RBFOX1: variants seen among roughly 807,000 people sequenced by gnomAD.
The protein encoded by RBFOX1 is RNA binding fox-1 homolog 1, also known as RNA binding protein fox-1 homolog 1.
A neutral mutation model predicts 57.7 loss-of-function variants in RBFOX1; 8 were observed. The observed-to-expected ratio is 0.14, with a 90% CI of 0.08 to 0.25. RBFOX1 has a LOEUF of 0.25. Ranked by LOEUF, RBFOX1 falls within the 10% of genes least tolerant of loss-of-function variation. RBFOX1 has a pLI of 1.00. For missense variants in RBFOX1, 611 were observed against 548.5 expected, an observed-to-expected ratio of 1.11 and a Z score of -1.14; for synonymous variants, 326 against 222.4, an observed-to-expected ratio of 1.47 and a Z score of -4.15.
chr16:7,145,499 A>G (rs2074776139), intron 4 of RBFOX1, among the ~76,000 whole-genome samples: 2 of 152,022 alleles, frequency 1.3e-5, no homozygotes, highest in South Asian at 2.1e-4. Context: ...GAGCCATCAC[A>G]CCTGGGCTTC....
At chr16:7,050,703 A>T (rs146167879) in intron 3 of RBFOX1, among the ~76,000 whole-genome samples, 50 of 152,320 alleles carry the variant, frequency 3.3e-4, no homozygotes, top group African/African-American at 1.1e-3. Flanking sequence ...TCTATATTTA[A>T]AACTATGTTT....
At chr16:7,222,498 C>G (rs988317232) in intron 4 of RBFOX1, among the ~76,000 whole-genome samples, 16 of 152,164 alleles carry the variant, frequency 1.1e-4, no homozygotes, top group South Asian at 4.1e-4. Context: ...GAAGTGACAA[C>G]CTAATGCATG....
chr16:7,610,792 A>G (rs896728555), intron 10 of RBFOX1, among the ~76,000 whole-genome samples: 3 of 152,238 alleles, frequency 2.0e-5, no homozygotes, highest in Admixed American at 2.0e-4. Flanking sequence ...TATGGAATGG[A>G]CCTATGCAAA....
chr16:6,183,355 C>G (rs2097080293), intron 1 of RBFOX1, among the ~76,000 whole-genome samples: 1 of 151,890 alleles, frequency 6.6e-6, no homozygotes, highest in Non-Finnish European at 1.5e-5. Context: ...TGCCATACTC[C>G]TGTAATCCCA....
At chr16:5,716,500 A>C (rs1243661454) in intron 3 of RBFOX1, among the ~76,000 whole-genome samples, 1 of 152,250 alleles carries the variant, frequency 6.6e-6, no homozygotes, top group Non-Finnish European at 1.5e-5. Flanking sequence ...TCAAAACTGC[A>C]ATTAGATACC....
At chr16:6,378,600 C>G (rs1007446516) in intron 2 of RBFOX1, among the ~76,000 whole-genome samples, 1 of 152,124 alleles carries the variant, frequency 6.6e-6, no homozygotes, top group Admixed American at 6.5e-5. Flanking sequence ...TATGCATTGT[C>G]TCAGGGCCTT....
chr16:5,369,470 C>T (rs1596696491), intron 1 of RBFOX1, among the ~76,000 whole-genome samples: 1 of 152,218 alleles, frequency 6.6e-6, no homozygotes, highest in Non-Finnish European at 1.5e-5. Flanking sequence ...CCAGGCACTG[C>T]ACTTAGATGC....
chr16:7,340,017 C>G (rs1380310071), intron 4 of RBFOX1, among the ~76,000 whole-genome samples: 1 of 152,200 alleles, frequency 6.6e-6, no homozygotes, highest in African/African-American at 2.4e-5. Flanking sequence ...CCCAACTATT[C>G]CAGCAAGAAT....
chr16:7,588,904 T>C lies in RBFOX1; in HGVS notation c.468+1604T>C, dbSNP rs113079954. ...TTCTCCTCCATGGCCAGAGTGATGT[T>C]GTAATCTGTCAGATGAGCAAAAACA... is the stretch of plus-strand genomic sequence containing the variant. On this transcript the variant is annotated intron_variant, in intron 7 of 15. Transcript: ENST00000550418. Among the ~76,000 whole-genome samples, 794 of 152,298 alleles carry C rather than the reference T, an allele frequency of 5.2e-3. 5 individuals carry two copies. The highest frequency in any genetic ancestry group is 8.9e-3 in the Non-Finnish European group (608 of 68,024).
At chr16:6,550,024 C>G (rs1049023368) in intron 2 of RBFOX1, among the ~76,000 whole-genome samples, 3 of 152,132 alleles carry the variant, frequency 2.0e-5, no homozygotes, top group Non-Finnish European at 2.9e-5. Context: ...AGTTTCAAAT[C>G]CACCCAAGAA....
At chr16:5,257,240 C>T (rs370770787) in intron 1 of RBFOX1, among the ~76,000 whole-genome samples, 17 of 151,856 alleles carry the variant, frequency 1.1e-4, no homozygotes, top group Admixed American at 7.9e-4. Context: ...TGCAAACAAA[C>T]GTGAGTGATG....
At chr16:5,800,457 G>T (rs964399311) in intron 3 of RBFOX1, among the ~76,000 whole-genome samples, 1 of 152,264 alleles carries the variant, frequency 6.6e-6, no homozygotes, top group East Asian at 1.9e-4. Context: ...CCCCCAGCAC[G>T]CCCTTGAGCT....
intron 1 of RBFOX1, among the ~76,000 whole-genome samples, chr16:6,193,400 ATATAT>A (rs1308822014): frequency 2.3e-5 from 2 of 85,256 alleles, no homozygotes; most frequent in Non-Finnish European, 4.6e-5. Context: ...TACTATATAT[ATATAT>A]ATATATATAT....
intron 1 of RBFOX1, among the ~76,000 whole-genome samples, chr16:5,324,730 C>G (rs963822222): frequency 6.6e-5 from 10 of 152,188 alleles, no homozygotes; most frequent in African/African-American, 2.4e-4. Flanking sequence ...ACCACTTGTT[C>G]TCACTTATAA....
chr16:5,366,117 G>C (rs187907625), intron 1 of RBFOX1: 1 of 458,130 alleles, frequency 2.2e-6, no homozygotes, highest in Non-Finnish European at 4.3e-6. Flanking sequence ...TTCAGGGCGA[G>C]TGCATGCTAA....
At chr16:7,101,963 A>C (rs1437956784) in intron 4 of RBFOX1, among the ~76,000 whole-genome samples, 1 of 152,172 alleles carries the variant, frequency 6.6e-6, no homozygotes. Context: ...TTGTACCACA[A>C]GCCTAGTGCT....
rs372073126 is a variant in RBFOX1, at chr16:5,705,366, A to G, written c.318+106405A>G. 2.2e-4 allele frequency among the ~76,000 whole-genome samples: 34 copies of G among 152,278 alleles called. No homozygotes were observed. In the East Asian group the frequency reaches 2.3e-3, roughly 10 times the overall value. Reference sequence around the variant, plus strand: ...AACCTCGAACTTCTGGGCTAAAGCTATCTTCCCACCTCAGCCTCCTGAGTA... The same window carrying G: ...AACCTCGAACTTCTGGGCTAAAGCTGTCTTCCCACCTCAGCCTCCTGAGTA... On this transcript the variant is annotated intron_variant, in intron 3 of 19. Coordinates refer to the RBFOX1 transcript ENST00000641259.
chr16:6,847,980 C>G (rs1422904628), intron 3 of RBFOX1, among the ~76,000 whole-genome samples: 2 of 152,012 alleles, frequency 1.3e-5, no homozygotes, highest in African/African-American at 4.8e-5. Context: ...TAGGCACCTG[C>G]CACCATGCCC....
At chr16:5,309,717 A>G (rs1221308451) in intron 1 of RBFOX1, among the ~76,000 whole-genome samples, 1 of 152,136 alleles carries the variant, frequency 6.6e-6, no homozygotes, top group African/African-American at 2.4e-5. Context: ...GTGCTTTTCA[A>G]TTATGATTAT....
Sources: allele counts gnomAD v4.1 joint callset (sites outside exome capture counted in the v4.1 genomes callset), GRCh38; gene constraint gnomAD v4.1.1; transcripts MANE v1.5; gene names NCBI Gene and HGNC (gene_info 2026-07-23, HGNC 2026-07-21).